Variants in GALNT11 observed in about 807,000 individuals in gnomAD.
The protein encoded by GALNT11 is polypeptide N-acetylgalactosaminyltransferase 11, also known as UDP-GalNAc:polypeptide N-acetylgalactosaminyltransferase 11.
In GALNT11, 47 loss-of-function variants were observed where a neutral mutation model predicts 72.7. That is an observed-to-expected ratio of 0.65 (90% CI 0.51 to 0.82). The LOEUF is 0.82. Among genes scored for constraint, GALNT11 ranks in the 40% least tolerant of loss-of-function variants. The pLI is 0.00. For missense variants in GALNT11, 677 were observed against 778.4 expected (o/e 0.87, Z 1.55); for synonymous variants, 270 against 286.6 (o/e 0.94, Z 0.58).
At position 152,083,602 on chromosome 7, in the gene GALNT11, C is replaced by T. The variant is rs369827054; in HGVS notation, c.-38-10588C>T. Among the ~76,000 whole-genome samples the T allele has an allele frequency of 1.7e-4, 26 of 152,218 alleles. No homozygotes were observed. The East Asian group carries it at 2.1e-3, about 12-fold the overall frequency. On this transcript the variant is annotated intron_variant, in intron 1 of 11. Transcript: ENST00000430044. ...TTGGATAGAGAAGCCCTGGAGTTCA[C>T]TTGTTCTGCAGTGGGGCTCACACCC...
chr7:152,091,896 C>T (rs954978853), intron 1 of GALNT11, among the ~76,000 whole-genome samples: 2 of 152,208 alleles, frequency 1.3e-5, no homozygotes, highest in African/African-American at 4.8e-5. Context: ...GTCCATCTTT[C>T]ATAGCTGCTA....
intron 1 of GALNT11, among the ~76,000 whole-genome samples, chr7:152,050,091 G>A (rs568164707): frequency 6.6e-6 from 1 of 152,146 alleles, no homozygotes; most frequent in South Asian, 2.1e-4. Context: ...GGGCCCGCTT[G>A]GTGCTCTACC....
chr7:152,100,875 G>T lies in GALNT11; in HGVS notation c.373G>T (p.Asp125Tyr). 2 of 1,613,974 alleles carry T rather than the reference G, an allele frequency of 1.2e-6. No homozygotes were observed. Among genetic ancestry groups the T allele is most frequent in the South Asian group, 2.2e-5 (2 of 91,030 alleles). ...ACATGCTTTTAATATGCTTATCAGT[G>T]ACCGCTTGGGCTACCACAGAGATGT... The part of the protein sequence containing the change: ...QKHAFNMLIS[D>Y]RLGYHRDVPD... Residue 125 changes from aspartate to tyrosine, a missense_variant, in exon 3 of 12, where the codon GAC becomes TAC. Asp to Tyr is a radical substitution (Grantham distance 160). Coordinates refer to ENST00000430044, the MANE Select transcript of GALNT11 (RefSeq NM_022087.4).
chr7:152,068,152 C>A (rs1026347429), intron 1 of GALNT11, among the ~76,000 whole-genome samples: 1 of 152,066 alleles, frequency 6.6e-6, no homozygotes, highest in Admixed American at 6.6e-5. Flanking sequence ...CCTAAAAATT[C>A]CCCTGTGCTT....
At chr7:152,097,382 G>C (rs927356749) in intron 2 of GALNT11, among the ~76,000 whole-genome samples, 2 of 152,160 alleles carry the variant, frequency 1.3e-5, no homozygotes, top group African/African-American at 4.8e-5. Flanking sequence ...GGAGAAACTG[G>C]AGCCCTCACA....
At chr7:152,039,925 C>CA (rs1230173788) in intron 1 of GALNT11, among the ~76,000 whole-genome samples, 1 of 152,034 alleles carries the variant, frequency 6.6e-6, no homozygotes, top group Non-Finnish European at 1.5e-5. Context: ...TAGGCAGGCT[C>CA]AAAAAATTTA....
At chr7:152,050,863 T>C (rs554977570) in intron 1 of GALNT11, among the ~76,000 whole-genome samples, 1 of 152,352 alleles carries the variant, frequency 6.6e-6, no homozygotes, top group Admixed American at 6.5e-5. Flanking sequence ...GGGCGCCAGC[T>C]GAATTCTGCC....
intron 1 of GALNT11, among the ~76,000 whole-genome samples, chr7:152,056,858 C>T (rs1381811064): frequency 6.6e-6 from 1 of 151,180 alleles, no homozygotes; most frequent in Non-Finnish European, 1.5e-5. Context: ...TTTTTTGAGA[C>T]AGGTTCTTGC....
chr7:152,122,102 T>C lies in GALNT11; in HGVS notation c.*425T>C, dbSNP rs1386447586. 1 of 154,410 alleles carries C rather than the reference T, an allele frequency of 6.5e-6. No individual in the cohort carries two copies. The highest frequency in any genetic ancestry group is 1.9e-4 in the East Asian group (1 of 5,220). The allele number at this position is 154,410 out of a possible 1,614,324, so 9.6% of individuals were successfully genotyped here. ...TCCCCTTTAATGATGCAGTGGTTTT[T>C]ATCTGATCAGGAACTTGTCATGATT... On this transcript the variant is annotated 3_prime_UTR_variant, in exon 12 of 12. Transcript: ENST00000430044.
intron 1 of GALNT11, among the ~76,000 whole-genome samples, chr7:152,055,732 A>G (rs1028126272): frequency 1.3e-5 from 2 of 152,146 alleles, no homozygotes; most frequent in African/African-American, 4.8e-5. Context: ...CAAAAATATT[A>G]AAGTCATTAG....
chr7:152,042,946 G>A lies in GALNT11; in HGVS notation c.-39+17062G>A, dbSNP rs1365467455. Reference sequence around the variant, plus strand: ...CTGTAGAGAAAGGATTGAAATGTCCGCTCCTGTATCTACCAAACCTTTAAA... The same window carrying A: ...CTGTAGAGAAAGGATTGAAATGTCCACTCCTGTATCTACCAAACCTTTAAA... On this transcript the variant is annotated intron_variant, in intron 1 of 11. Coordinates refer to ENST00000430044, the MANE Select transcript of GALNT11 (RefSeq NM_022087.4). 2.6e-5 allele frequency among the ~76,000 whole-genome samples: 4 copies of A among 152,132 alleles called. No homozygotes were observed. The East Asian group carries it at 7.7e-4, about 29-fold the overall frequency.
intron 2 of GALNT11, among the ~76,000 whole-genome samples, chr7:152,095,213 T>A (rs1381514047): frequency 1.3e-5 from 2 of 152,134 alleles, no homozygotes; most frequent in African/African-American, 4.8e-5. Flanking sequence ...AAAATTATAT[T>A]CTCTTCAACT....
chr7:152,057,318 T>C (rs978167070), intron 1 of GALNT11, among the ~76,000 whole-genome samples: 53 of 151,688 alleles, frequency 3.5e-4, no homozygotes, highest in Non-Finnish European at 6.8e-4. Flanking sequence ...TCCTTTTTTT[T>C]TTTTTTGAGA....
chr7:152,092,167 G>A (rs1345082156), intron 1 of GALNT11, among the ~76,000 whole-genome samples: 3 of 152,146 alleles, frequency 2.0e-5, no homozygotes, highest in Non-Finnish European at 4.4e-5. Flanking sequence ...TGTTTTTGTT[G>A]TTTGTTTACT....
intron 1 of GALNT11, among the ~76,000 whole-genome samples, chr7:152,074,773 C>T (rs989899837): frequency 6.6e-6 from 1 of 152,132 alleles, no homozygotes; most frequent in Non-Finnish European, 1.5e-5. Flanking sequence ...ATTTCTCTAG[C>T]GTTAGAGCTC....
At chr7:152,108,394 G>A (rs536874162) in intron 6 of GALNT11, 107 bp downstream of exon 6, 2 of 1,474,456 alleles carry the variant, frequency 1.4e-6, no homozygotes, top group Admixed American at 4.5e-5. Flanking sequence ...AAAAGTGTTA[G>A]ACTTAATTTG....
At chr7:152,064,311 G>T (rs1196808274) in intron 1 of GALNT11, among the ~76,000 whole-genome samples, 1 of 152,126 alleles carries the variant, frequency 6.6e-6, no homozygotes, top group Non-Finnish European at 1.5e-5. Flanking sequence ...TTGCTTGGTA[G>T]ATCTTCCTCC....
Position 152,105,259 on chromosome 7 carries a change from G to T in GALNT11, c.601G>T (p.Glu201Ter). 1 of 1,613,526 alleles carries T rather than the reference G, an allele frequency of 6.2e-7. No homozygotes were observed. Among genetic ancestry groups the T allele is most frequent in the South Asian group, 1.1e-5 (1 of 90,924 alleles). The change falls in exon 5 of 12, where the codon GAA (glutamate) becomes TAA (stop). Residue 201 changes from glutamate to a stop codon, truncating the protein, a stop_gained. Coordinates refer to ENST00000430044, the MANE Select transcript of GALNT11 (RefSeq NM_022087.4). LOFTEE classifies it high-confidence loss of function. ...TTTATTTTCAGATGATTTGAAAGGAGAACTAGATGAATATGTCCAAAAATA... is the reference window on the plus strand; with the variant it reads ...TTTATTTTCAGATGATTTGAAAGGATAACTAGATGAATATGTCCAAAAATA... The part of the protein sequence containing the change: ...DDSDFDDLKG[E>*]LDEYVQKYLP...
chr7:152,108,110 TC>T lies in GALNT11; in HGVS notation c.787del (p.Arg263ValfsTer11). On this transcript the variant is annotated frameshift_variant, in exon 6 of 12. Coordinates refer to ENST00000430044, the MANE Select transcript of GALNT11 (RefSeq NM_022087.4). LOFTEE classifies it high-confidence loss of function. The stretch of plus-strand genomic sequence containing the variant: ...TGGCTGCAGCCCTTGCTGGCCGCCA[TC>T]CGTGAGGACCGGCACACCGTGGTGT... The part of the protein sequence containing the change: ...VMWLQPLLAA[I>X]REDRHTVVCP... 1 of 1,614,088 alleles carries T rather than the reference TC, an allele frequency of 6.2e-7. No homozygotes were observed. Among genetic ancestry groups the T allele is most frequent in the Non-Finnish European group, 8.5e-7 (1 of 1,179,980 alleles).
Sources: allele counts gnomAD v4.1 joint callset (sites outside exome capture counted in the v4.1 genomes callset), GRCh38; gene constraint gnomAD v4.1.1; transcripts MANE v1.5; gene names NCBI Gene and HGNC (gene_info 2026-07-23, HGNC 2026-07-21).